The following MN1 variants were observed in gnomAD, a reference collection of about 807,000 sequenced individuals.
MN1 encodes the protein MN1 proto-oncogene, transcriptional regulator.
Under a neutral mutation model 86.9 loss-of-function variants are expected in MN1, and 19 were observed. That is an observed-to-expected ratio of 0.22 (90% CI 0.15 to 0.32). The LOEUF (loss-of-function observed/expected upper bound fraction) is 0.32, where lower values mean the gene tolerates loss of function less well. Ranked by LOEUF, MN1 falls within the 10% of genes least tolerant of loss-of-function variation. The pLI is 1.00. For missense variants in MN1, 1,841 were observed against 1,862.0 expected, an observed-to-expected ratio of 0.99 and a Z score of 0.21; for synonymous variants, 928 against 849.6, an observed-to-expected ratio of 1.09 and a Z score of -1.60.
chr22:27,767,212 C>A (rs1452535893), intron 1 of MN1, among the ~76,000 whole-genome samples: 1 of 151,988 alleles, frequency 6.6e-6, no homozygotes, highest in African/African-American at 2.4e-5. Context: ...AGGAACAAAC[C>A]CTAAAGAGTC....
chr22:27,774,443 C>A (rs1601331418), intron 1 of MN1, among the ~76,000 whole-genome samples: 1 of 152,184 alleles, frequency 6.6e-6, no homozygotes, highest in South Asian at 2.1e-4. Context: ...CCACACAGCC[C>A]CAGGTCGGAG....
At chr22:27,769,876 C>A (rs936648663) in intron 1 of MN1, among the ~76,000 whole-genome samples, 1 of 151,654 alleles carries the variant, frequency 6.6e-6, no homozygotes, top group Non-Finnish European at 1.5e-5. Context: ...TTTTTTTAAT[C>A]ATCTGCTATG....
At position 27,799,161 on chromosome 22, in the gene MN1, A is replaced by G. The variant is rs1358911625; in HGVS notation, c.1383T>C (p.Phe461=). Reference sequence around the variant, plus strand: ...AGCGGTCCACTCCCGCGCTGCCCGGAAAGTCGAAGCGCGGCCTCTTGGCCA... The same window carrying G: ...AGCGGTCCACTCCCGCGCTGCCCGGGAAGTCGAAGCGCGGCCTCTTGGCCA... ...MNVAKRPRFD[F]PGSAGVDRCA... The change falls in exon 1 of 2, where the codon TTT becomes TTC. Residue 461 remains phenylalanine, a synonymous_variant. Coordinates refer to ENST00000302326, the MANE Select transcript of MN1 (RefSeq NM_002430.3). 2 of 1,606,608 alleles carry G rather than the reference A, an allele frequency of 1.2e-6. No homozygotes were observed. The highest frequency in any genetic ancestry group is 2.2e-5 in the South Asian group (2 of 90,846).
chr22:27,795,440 T>C (rs952445295), intron 1 of MN1, among the ~76,000 whole-genome samples: 1 of 151,574 alleles, frequency 6.6e-6, no homozygotes, highest in Admixed American at 6.6e-5. Context: ...GGTCAAGACA[T>C]GGCAGGATGT....
Position 27,799,372 on chromosome 22 carries a change from C to A in MN1, c.1172G>T (p.Gly391Val). 1 of 1,551,616 alleles carries A rather than the reference C, an allele frequency of 6.4e-7. No homozygotes were observed. Among genetic ancestry groups the A allele is most frequent in the Non-Finnish European group, 8.7e-7 (1 of 1,151,718 alleles). Residue 391 changes from glycine to valine, a missense_variant, in exon 1 of 2, where the codon GGC becomes GTC. Coordinates refer to ENST00000302326, the MANE Select transcript of MN1 (RefSeq NM_002430.3). ...PQQGEAGTPS[G>V]GLQDGGPMLP... ...CATGGGGCCTCCGTCCTGCAGGCCGCCGCTGGGCGTGCCCGCCTCGCCCTG... is the reference window on the plus strand; with the variant it reads ...CATGGGGCCTCCGTCCTGCAGGCCGACGCTGGGCGTGCCCGCCTCGCCCTG...
chr22:27,784,819 C>T (rs773126728), intron 1 of MN1, among the ~76,000 whole-genome samples: 1 of 151,816 alleles, frequency 6.6e-6, no homozygotes, highest in East Asian at 1.9e-4. Context: ...CCAACAGGGA[C>T]CTTAGCGAAC....
chr22:27,774,838 A>G (rs1338693295), intron 1 of MN1, among the ~76,000 whole-genome samples: 1 of 152,124 alleles, frequency 6.6e-6, no homozygotes, highest in Non-Finnish European at 1.5e-5. Flanking sequence ...GCCAGGTACC[A>G]ACCTAAGCCA....
rs1030865973 is a variant in MN1 at position 27,750,802 on chromosome 22, C to A, written c.*113G>T. 1.1e-6 allele frequency: 1 copy of A among 915,058 alleles called. No homozygotes were observed. Among genetic ancestry groups the A allele is most frequent in the Non-Finnish European group, 1.6e-6 (1 of 640,102 alleles). The allele number at this position is 915,058 out of a possible 1,614,324, so 56.7% of individuals were successfully genotyped here. On this transcript the variant is annotated 3_prime_UTR_variant, in exon 2 of 2. Coordinates refer to ENST00000302326, the MANE Select transcript of MN1 (RefSeq NM_002430.3). Reference sequence around the variant, plus strand: ...TAGAGAAAAAAAAAAAACTCATCCACTCAGCAATAGTGGCCCTTTCAAATT... The same window carrying A: ...TAGAGAAAAAAAAAAAACTCATCCAATCAGCAATAGTGGCCCTTTCAAATT...
At chr22:27,763,736 C>A (rs148592202) in intron 1 of MN1, among the ~76,000 whole-genome samples, 129 of 152,324 alleles carry the variant, frequency 8.5e-4, no homozygotes, top group African/African-American at 3.0e-3. Context: ...GCACTGAGCT[C>A]AGAGAGGTGA....
rs34890218 is a variant in MN1 at position 27,798,945 on chromosome 22, T to TTGCTGC, written c.1593_1598dup (p.Gln549_Gln550dup). ...GCTGTTGCTGCTGCTGCTGCTGCTG[T>TTGCTGC]TGCTGCTGCTGCTGCTGCTGCTGCT... On this transcript the variant is annotated inframe_insertion, in exon 1 of 2. Transcript: ENST00000302326. The TTGCTGC allele has an allele frequency of 4.7e-3, 7,301 of 1,539,368 alleles. 10 individuals carry two copies. Among genetic ancestry groups the TTGCTGC allele is most frequent in the Non-Finnish European group, 5.6e-3 (6,347 of 1,140,316 alleles).
intron 1 of MN1, among the ~76,000 whole-genome samples, chr22:27,758,168 A>G (rs1932813187): frequency 1.3e-5 from 2 of 152,084 alleles, no homozygotes; most frequent in Admixed American, 6.5e-5. Flanking sequence ...TGCATGCCCC[A>G]GGCTGACTCC....
At position 27,799,687 on chromosome 22, in the gene MN1, G is replaced by C; in HGVS notation, c.857C>G (p.Ser286Cys). 6.4e-7 allele frequency: 1 copy of C among 1,556,660 alleles called. No individual in the cohort carries two copies. The highest frequency in any genetic ancestry group is 8.7e-7 in the Non-Finnish European group (1 of 1,150,954). ...MPRAAGMVGL[S>C]KMHAQPPQQQ... ...CTGCGGTGGCTGGGCGTGCATTTTG[G>C]ACAAGCCCACCATGCCCGCAGCTCT... Residue 286 changes from serine (S) to cysteine (C), a missense_variant, in exon 1 of 2, where the codon TCC (serine) becomes TGC (cysteine). Transcript: ENST00000302326.
At position 27,798,025 on chromosome 22, in the gene MN1, C is replaced by G; in HGVS notation, c.2519G>C (p.Gly840Ala). The change falls in exon 1 of 2, where the codon GGG becomes GCG. Residue 840 changes from glycine to alanine, a missense_variant. By Grantham distance (60) the Gly-to-Ala change is moderately conservative. Transcript: ENST00000302326. Reference sequence around the variant, plus strand: ...GAAGGTCACGTTGAGGTTGGGGGCCCCGAGGCTGGCGATCATGTTCTGGCA... The same window carrying G: ...GAAGGTCACGTTGAGGTTGGGGGCCGCGAGGCTGGCGATCATGTTCTGGCA... Reference protein sequence around the residue: ...TACQNMIASLGAPNLNVTFNK... With the variant: ...TACQNMIASLAAPNLNVTFNK... 6.2e-7 allele frequency: 1 copy of G among 1,607,244 alleles called. No homozygotes were observed. Among genetic ancestry groups the G allele is most frequent in the Non-Finnish European group, 8.5e-7 (1 of 1,178,050 alleles).
chr22:27,781,952 AT>A (rs1249429318), intron 1 of MN1, among the ~76,000 whole-genome samples: 1 of 151,506 alleles, frequency 6.6e-6, no homozygotes, highest in African/African-American at 2.4e-5. Context: ...CAGGGGTTTA[AT>A]TTTTCTATTG....
chr22:27,780,337 T>C (rs1388545412), intron 1 of MN1, among the ~76,000 whole-genome samples: 1 of 152,102 alleles, frequency 6.6e-6, no homozygotes, highest in Non-Finnish European at 1.5e-5. Flanking sequence ...TTTCCTAAAA[T>C]AGGCCCACTC....
intron 1 of MN1, among the ~76,000 whole-genome samples, chr22:27,761,394 C>T (rs1294411783): frequency 6.6e-6 from 1 of 150,788 alleles, no homozygotes; most frequent in Non-Finnish European, 1.5e-5. Flanking sequence ...ATTTCTCTCT[C>T]TCTTTCTCTC....
Position 27,798,315 on chromosome 22 carries a change from C to A in MN1, c.2229G>T (p.Gln743His), listed in dbSNP as rs747978272. Residue 743 changes from glutamine (Q) to histidine (H), a missense_variant, in exon 1 of 2, where the codon CAG becomes CAT. Transcript: ENST00000302326. ...CGGCTGCACCAAACGGAAAGCCCGG[C>A]TGGCCCCCGAGCGCAGACGTAGCAA... Reference protein sequence around the residue: ...PDFATSALGGQPGFPFGAAGR... With the variant: ...PDFATSALGGHPGFPFGAAGR... 55 of 1,520,792 alleles carry A rather than the reference C, an allele frequency of 3.6e-5. No individual in the cohort carries two copies. Among genetic ancestry groups the A allele is most frequent in the Non-Finnish European group, 3.6e-5 (41 of 1,143,428 alleles). 94.2% of individuals were successfully genotyped at this position (1,520,792 alleles called of 1,614,324 possible). A position where few individuals can be genotyped will look rare whatever the true frequency, so the allele number is the denominator to read the frequency against.
In MN1 at chr22:27,798,711, G is replaced by T. The variant is rs1467365907; in HGVS notation, c.1833C>A (p.Gly611=). The change falls in exon 1 of 2, where the codon GGC becomes GGA. Residue 611 remains glycine, a synonymous_variant. Transcript: ENST00000302326. ...PNFEREGGST[G]AGRLGTFEQQ... ...GCTCGAAGGTGCCCAGACGCCCGGC[G>T]CCCGTGCTGCCGCCTTCGCGCTCAA... The T allele has an allele frequency of 3.9e-6, 6 of 1,534,958 alleles. No individual in the cohort carries two copies. The South Asian group carries it at 7.2e-5, about 18-fold the overall frequency.
Position 27,799,383 on chromosome 22 carries a change from GC to G in MN1, c.1160del (p.Gly387AlafsTer65). 1 of 1,526,248 alleles carries G rather than the reference GC, an allele frequency of 6.6e-7. No homozygotes were observed. Among genetic ancestry groups the G allele is most frequent in the Non-Finnish European group, 8.8e-7 (1 of 1,140,768 alleles). The allele number at this position is 1,526,248 out of a possible 1,614,324, so 94.5% of individuals were successfully genotyped here. ...CGTCCTGCAGGCCGCCGCTGGGCGT[GC>G]CCGCCTCGCCCTGCTGGGGCCGAGG... ...ALPRPQQGEA[G>X]TPSGGLQDGG... is the part of the protein sequence containing the mutation. On this transcript the variant is annotated frameshift_variant, in exon 1 of 2. Transcript: ENST00000302326. LOFTEE classifies it high-confidence loss of function.
Sources: allele counts gnomAD v4.1 joint callset (sites outside exome capture counted in the v4.1 genomes callset), GRCh38; gene constraint gnomAD v4.1.1; transcripts MANE v1.5; gene names NCBI Gene and HGNC (gene_info 2026-07-23, HGNC 2026-07-21).